The following RSRC2 variants were observed in gnomAD, a reference collection of about 807,000 sequenced individuals.
RSRC2 encodes arginine/serine-rich coiled-coil protein 2.
A neutral mutation model predicts 61.3 loss-of-function variants in RSRC2; 5 were observed. That is an observed-to-expected ratio of 0.08 (90% CI 0.04 to 0.17). RSRC2 has a LOEUF of 0.17. Among genes scored for constraint, RSRC2 ranks in the 10% least tolerant of loss-of-function variants. The probability of loss-of-function intolerance (pLI) is 1.00; values close to 1 mark genes in which losing one functional copy is unlikely to be tolerated. For synonymous variants in RSRC2, 202 were observed against 166.5 expected, an observed-to-expected ratio of 1.21 and a Z score of -1.64; for missense variants, 381 against 518.8, an observed-to-expected ratio of 0.73 and a Z score of 2.58.
intron 4 of RSRC2, among the ~76,000 whole-genome samples, chr12:122,518,556 G>A (rs1214819346): frequency 2.0e-5 from 3 of 149,838 alleles, no homozygotes; most frequent in African/African-American, 4.9e-5. Flanking sequence ...TCATGCCACT[G>A]CACTCCAGCC....
At chr12:122,518,125 C>T (rs547245507) in intron 4 of RSRC2, among the ~76,000 whole-genome samples, 4 of 152,128 alleles carry the variant, frequency 2.6e-5, no homozygotes, top group African/African-American at 7.2e-5. Context: ...GGCCAAAACC[C>T]GTCTCTACAA....
At chr12:122,521,872 A>G (rs1002920469) in intron 2 of RSRC2, among the ~76,000 whole-genome samples, 4 of 152,242 alleles carry the variant, frequency 2.6e-5, no homozygotes, top group Admixed American at 2.0e-4. Flanking sequence ...GTGGTGGCGC[A>G]CGCCTATAAT....
intron 7 of RSRC2, among the ~76,000 whole-genome samples, chr12:122,509,314 G>GC: frequency 1.3e-5 from 2 of 151,704 alleles, no homozygotes; most frequent in Admixed American, 1.3e-4. Flanking sequence ...GCCAGGCGTG[G>GC]TGGCAGGCGC....
intron 5 of RSRC2, among the ~76,000 whole-genome samples, chr12:122,516,267 T>G (rs569107401): frequency 6.6e-6 from 1 of 152,330 alleles, no homozygotes; most frequent in African/African-American, 2.4e-5. Context: ...AAGCAGAGAA[T>G]AACGCATTCA....
chr12:122,516,686 T>C (rs970597569), intron 5 of RSRC2, among the ~76,000 whole-genome samples: 1 of 152,146 alleles, frequency 6.6e-6, no homozygotes, highest in African/African-American at 2.4e-5. Flanking sequence ...AAATCCAGTG[T>C]TGAACACAAC....
At chr12:122,524,133 A>G (rs542122086) in intron 1 of RSRC2, among the ~76,000 whole-genome samples, 22 of 152,346 alleles carry the variant, frequency 1.4e-4, no homozygotes, top group Admixed American at 1.1e-3. Flanking sequence ...GAGATCCAGC[A>G]ACATTAGCTG....
intron 5 of RSRC2, 146 bp from the exon 6 acceptor site, chr12:122,515,373 G>A: frequency 2.6e-6 from 2 of 760,868 alleles, no homozygotes; most frequent in South Asian, 1.8e-5. Flanking sequence ...CAGTGTTACA[G>A]CTGAACTCAT....
At chr12:122,506,121 C>T (rs1019616396) in intron 9 of RSRC2, among the ~76,000 whole-genome samples, 3 of 152,036 alleles carry the variant, frequency 2.0e-5, no homozygotes, top group African/African-American at 7.2e-5. Flanking sequence ...CAGTGTGGCT[C>T]ACGCCTGTAA....
intron 1 of RSRC2, chr12:122,526,412 C>G: frequency 5.5e-6 from 1 of 180,598 alleles, no homozygotes; most frequent in South Asian, 1.3e-4. Flanking sequence ...GCTCTCTTCT[C>G]CCACACTACC....
rs574249462 is a variant in RSRC2, at chr12:122,507,092, C to G, written c.1036-169G>C. On this transcript the variant is annotated intron_variant, in intron 8 of 9. Transcript: ENST00000331738. ...AAACCACAAAGCAAAGAAATACAAGCAAGAGGTTGGCGCCGTGCTTCACTC... is the reference window on the plus strand; with the variant it reads ...AAACCACAAAGCAAAGAAATACAAGGAAGAGGTTGGCGCCGTGCTTCACTC... The G allele has an allele frequency of 6.2e-6, 4 of 646,450 alleles. No homozygotes were observed. In the African/African-American group the frequency reaches 7.4e-5, roughly 12 times the overall value. The allele number at this position is 646,450 out of a possible 1,614,324, so 40.0% of individuals were successfully genotyped here. A position where few individuals can be genotyped will look rare whatever the true frequency, so the allele number is the denominator to read the frequency against.
chr12:122,526,784 T>C, intron 1 of RSRC2, 64 bp downstream of exon 1: 4 of 1,586,676 alleles, frequency 2.5e-6, no homozygotes, highest in Non-Finnish European at 3.5e-6. Context: ...CTGGGAGCCG[T>C]TCACCCACTG....
intron 6 of RSRC2, among the ~76,000 whole-genome samples, chr12:122,513,447 A>C (rs1006746141): frequency 3.3e-5 from 5 of 152,096 alleles, no homozygotes; most frequent in Admixed American, 6.5e-5. Context: ...TACATTTAAA[A>C]CTTTATCTGA....
intron 7 of RSRC2, among the ~76,000 whole-genome samples, chr12:122,509,179 T>A (rs1161096862): frequency 2.6e-5 from 4 of 152,034 alleles, no homozygotes; most frequent in Non-Finnish European, 4.4e-5. Context: ...CTGGGCGCAG[T>A]GGCTCACGTC....
intron 1 of RSRC2, among the ~76,000 whole-genome samples, chr12:122,524,704 T>C (rs1959800792): frequency 6.6e-6 from 1 of 152,204 alleles, no homozygotes; most frequent in Non-Finnish European, 1.5e-5. Flanking sequence ...ATTGAGGCCA[T>C]GGAAAACTTT....
rs774387143 is a variant in RSRC2, at chr12:122,517,213, T to C, written c.602+14A>G. The C allele has an allele frequency of 5.6e-6, 9 of 1,614,086 alleles. No individual in the cohort carries two copies. The highest frequency in any genetic ancestry group is 7.6e-6 in the Non-Finnish European group (9 of 1,179,932). On this transcript the variant is annotated intron_variant, in intron 5 of 9. Coordinates refer to ENST00000331738, the MANE Select transcript of RSRC2 (RefSeq NM_023012.6). ...GGGTCCTATTAAATTTTATTCAGGA[T>C]GATGGTCACCTACCGACTCCTACTC...
chr12:122,511,244 A>T (rs940209050), intron 6 of RSRC2, 56 bp from the exon 7 acceptor site: 1 of 1,291,986 alleles, frequency 7.7e-7, no homozygotes, highest in Admixed American at 2.0e-5. Flanking sequence ...CATTATGTAT[A>T]TATCTCTCTA....
intron 1 of RSRC2, chr12:122,523,844 T>C (rs764298733): frequency 6.6e-6 from 1 of 152,204 alleles, no homozygotes; most frequent in Non-Finnish European, 1.5e-5. Flanking sequence ...GGGTCAAAAA[T>C]GTGCCAAAAC....
rs1166544504 is a variant in RSRC2 at position 122,506,908 on chromosome 12, C to A, written c.1051G>T (p.Ala351Ser). 6.2e-7 allele frequency: 1 copy of A among 1,603,444 alleles called. No individual in the cohort carries two copies. Among genetic ancestry groups the A allele is most frequent in the Non-Finnish European group, 8.5e-7 (1 of 1,170,692 alleles). ...GKKEGDKSQS[A>S]EIWEKLNFGN... ...AAATTCAATTTTTCCCATATTTCAG[C>A]AGATTGGGATTTGTCCTGTTAACAA... The change falls in exon 9 of 10, where the codon GCT becomes TCT. Residue 351 changes from alanine (A) to serine (S), a missense_variant. Ala to Ser is a moderately conservative substitution (Grantham distance 99). Coordinates refer to ENST00000331738, the MANE Select transcript of RSRC2 (RefSeq NM_023012.6).
chr12:122,524,224 T>C (rs1593428754), intron 1 of RSRC2, among the ~76,000 whole-genome samples: 2 of 152,244 alleles, frequency 1.3e-5, no homozygotes, highest in East Asian at 1.9e-4. Flanking sequence ...AGGATGATTC[T>C]GATTTTTCAC....
Sources: allele counts gnomAD v4.1 joint callset (sites outside exome capture counted in the v4.1 genomes callset), GRCh38; gene constraint gnomAD v4.1.1; transcripts MANE v1.5; gene names NCBI Gene and HGNC (gene_info 2026-07-23, HGNC 2026-07-21).